MAX: variants seen among roughly 807,000 people sequenced by gnomAD.
MAX encodes MYC associated transcriptional regulator X, also known as protein max.
MAX carries 3 observed loss-of-function variants against 22.3 expected under a neutral mutation model. That is an observed-to-expected ratio of 0.13 (90% CI 0.06 to 0.35). MAX has a LOEUF of 0.35. MAX is among the 10% of genes least tolerant of loss of function. MAX has a pLI of 1.00. For synonymous variants in MAX, 72 were observed against 77.7 expected (o/e 0.93, Z 0.39); for missense variants, 119 against 209.4 (o/e 0.57, Z 2.66).
rs370265766 is a variant in MAX, at chr14:65,011,018, T to C, written c.172-4734A>G. On this transcript the variant is annotated intron_variant, in intron 3 of 3. Transcript: ENST00000341653. This position sits in a 1 kb window ranked among gnomAD's most constrained non-coding sequence, Gnocchi z 4.0. ...TGATCATTCCTTTCTTCATGAGATA[T>C]CCCCTCCCTTTTGAGCCTCAGTAGT... Among the ~76,000 whole-genome samples, 1,396 of 149,784 alleles carry C rather than the reference T, an allele frequency of 9.3e-3. 21 individuals are homozygous for C. The highest frequency in any genetic ancestry group is 0.032 in the African/African-American group (1,294 of 40,584).
chr14:65,062,936 G>C lies in MAX; in HGVS notation c.171+30772C>G, dbSNP rs1433715857. ...TGCACTTCATGGTCTGTCTCCGACA[G>C]ACAGCAAGGACTGGGCCTAGTAGCC... On this transcript the variant is annotated intron_variant, in intron 3 of 3. Coordinates refer to the MAX transcript ENST00000341653. This position sits in a 1 kb window ranked among gnomAD's most constrained non-coding sequence, Gnocchi z 4.3. 3.3e-5 allele frequency among the ~76,000 whole-genome samples: 5 copies of C among 152,238 alleles called. No homozygotes were observed. Among genetic ancestry groups the C allele is most frequent in the Non-Finnish European group, 5.9e-5 (4 of 68,044 alleles).
chr14:65,071,102 A>C (rs2062983749), downstream of MAX, among the ~76,000 whole-genome samples: 1 of 152,142 alleles, frequency 6.6e-6, no homozygotes, highest in South Asian at 2.1e-4. This position sits in a 1 kb window ranked among gnomAD's most constrained non-coding sequence, Gnocchi z 4.2. Context: ...TTAATATACT[A>C]AACTCTTATT....
At chr14:65,049,082 G>A (rs965392035) in intron 3 of MAX, among the ~76,000 whole-genome samples, 2 of 151,084 alleles carry the variant, frequency 1.3e-5, no homozygotes, top group African/African-American at 2.4e-5. Context: ...AGCTGAGATC[G>A]CGCCGTTGCA....
chr14:65,094,044 T>G, intron 2 of MAX: 1 of 571,178 alleles, frequency 1.8e-6, no homozygotes, highest in African/African-American at 1.9e-5. Flanking sequence ...GCTCGATGCA[T>G]CCAGCTCATG....
chr14:65,068,320 A>G (rs1227706314), intron 3 of MAX, among the ~76,000 whole-genome samples: 2 of 152,156 alleles, frequency 1.3e-5, no homozygotes, highest in Non-Finnish European at 2.9e-5. Flanking sequence ...CTGTAATCTC[A>G]GCTACTCGAG....
At chr14:65,065,438 T>C (rs895683609) in intron 3 of MAX, among the ~76,000 whole-genome samples, 7 of 152,154 alleles carry the variant, frequency 4.6e-5, no homozygotes, top group Admixed American at 1.3e-4. Flanking sequence ...ATCTCGTCGT[T>C]GTGTGAACAT....
chr14:65,032,490 A>C lies in MAX; in HGVS notation c.172-26206T>G, dbSNP rs961536569. ...CCAGGAGGACTGACCGTGTGCCAAG[A>C]GTGAGGACAGGAGGTGATTACAGCT... On this transcript the variant is annotated intron_variant, in intron 3 of 3. Transcript: ENST00000341653. This position sits in a 1 kb window ranked among gnomAD's most constrained non-coding sequence, Gnocchi z 5.0. 3.0e-6 allele frequency: 3 copies of C among 1,009,834 alleles called. No individual in the cohort carries two copies. In the African/African-American group the frequency reaches 4.9e-5, roughly 17 times the overall value. The allele number at this position is 1,009,834 out of a possible 1,614,324, so 62.6% of individuals were successfully genotyped here. A position where few individuals can be genotyped will look rare whatever the true frequency, so the allele number is the denominator to read the frequency against.
Position 65,084,205 on chromosome 14 carries a change from T to C in MAX, c.172-6169A>G, listed in dbSNP as rs1249949293. 2.5e-6 allele frequency: 4 copies of C among 1,614,142 alleles called. No individual in the cohort carries two copies. Among genetic ancestry groups the C allele is most frequent in the Non-Finnish European group, 3.4e-6 (4 of 1,179,996 alleles). On this transcript the variant is annotated intron_variant, in intron 3 of 4. Coordinates refer to ENST00000358664, the MANE Select transcript of MAX (RefSeq NM_002382.5). This position sits in a 1 kb window ranked among gnomAD's most constrained non-coding sequence, Gnocchi z 4.3. ...TTAAATCTTGCATTCTTTTTTCTTG[T>C]GCACTTGGTAGCTTGAAATGAAGGT... is the stretch of plus-strand genomic sequence containing the variant.
intron 3 of MAX, among the ~76,000 whole-genome samples, chr14:65,067,324 G>A (rs1342894577): frequency 6.6e-6 from 1 of 152,108 alleles, no homozygotes; most frequent in African/African-American, 2.4e-5. Flanking sequence ...CTAATAGGTG[G>A]CATTTGCCAT....
At chr14:65,066,770 G>A (rs2062934469) in intron 3 of MAX, among the ~76,000 whole-genome samples, 2 of 150,084 alleles carry the variant, frequency 1.3e-5, no homozygotes, top group Non-Finnish European at 2.9e-5. Flanking sequence ...GCTTAGGTAG[G>A]AGAATCGCTT....
Position 65,076,697 on chromosome 14 carries a change from T to C in MAX, c.296-34A>G, listed in dbSNP as rs2063067720. 1.2e-6 allele frequency: 2 copies of C among 1,614,008 alleles called. No individual in the cohort carries two copies. Among genetic ancestry groups the C allele is most frequent in the Non-Finnish European group, 1.7e-6 (2 of 1,179,904 alleles). On this transcript the variant is annotated intron_variant, in intron 4 of 4. Coordinates refer to ENST00000358664, the MANE Select transcript of MAX (RefSeq NM_002382.5). This position sits in a 1 kb window ranked among gnomAD's most constrained non-coding sequence, Gnocchi z 6.6. ...CAACCAAGGGAGTGTGTTACTGCCT[T>C]CTGGAGACTTGGGGAGTAACCGAGT...
intron 2 of MAX, among the ~76,000 whole-genome samples, chr14:65,099,555 C>CA (rs1478662573): frequency 6.1e-4 from 89 of 144,846 alleles, no homozygotes; most frequent in African/African-American, 2.2e-3. Context: ...AACAAACAAA[C>CA]AAACAAAAAA....
intron 3 of MAX, chr14:65,061,981 C>T (rs2062873136): frequency 6.6e-6 from 1 of 152,494 alleles, no homozygotes; most frequent in South Asian, 2.1e-4. Context: ...CTTGCTTCAG[C>T]CCCAGGTGTG....
At chr14:65,094,019 G>A in intron 2 of MAX, 1 of 620,036 alleles carries the variant, frequency 1.6e-6, no homozygotes. Flanking sequence ...GCTTGCGACA[G>A]GAACATCCAA....
chr14:65,008,053 A>G (rs1036043311), intron 3 of MAX, among the ~76,000 whole-genome samples: 3 of 152,210 alleles, frequency 2.0e-5, no homozygotes, highest in African/African-American at 7.2e-5. Context: ...AGAATTTCCC[A>G]GATCCTGAGC....
At chr14:65,006,630 G>A (rs757370971) in intron 3 of MAX, among the ~76,000 whole-genome samples, 9 of 152,192 alleles carry the variant, frequency 5.9e-5, no homozygotes, top group Admixed American at 2.0e-4. Flanking sequence ...TGACTCACCC[G>A]ATCGGGCTGA....
intron 3 of MAX, among the ~76,000 whole-genome samples, chr14:65,063,031 C>G (rs2062892322): frequency 6.6e-6 from 1 of 152,192 alleles, no homozygotes; most frequent in South Asian, 2.1e-4. Flanking sequence ...CAGGGACAGG[C>G]TGGAACTCTG....
chr14:65,085,785 A>G (rs1422703773), intron 3 of MAX, among the ~76,000 whole-genome samples: 1 of 152,168 alleles, frequency 6.6e-6, no homozygotes, highest in Admixed American at 6.5e-5. Context: ...GGGCTCATCA[A>G]TATGGAACCC....
At position 65,033,815 on chromosome 14, in the gene MAX, C is replaced by T. The variant is rs192707108; in HGVS notation, c.172-27531G>A. Among the ~76,000 whole-genome samples the T allele has an allele frequency of 3.1e-4, 47 of 152,274 alleles. 1 individual carries two copies. Among genetic ancestry groups the T allele is most frequent in the Middle Eastern group, 3.4e-3 (1 of 294 alleles). On this transcript the variant is annotated intron_variant, in intron 3 of 3. Coordinates refer to the MAX transcript ENST00000341653. ...GAGCTTGCAGTGAGCCGAGATCACG[C>T]CACTGCACTCCAGCCTGGGCGACAG...
Sources: allele counts gnomAD v4.1 joint callset (sites outside exome capture counted in the v4.1 genomes callset), GRCh38; gene constraint gnomAD v4.1.1; non-coding constraint Gnocchi (gnomAD v3.1); transcripts MANE v1.5; gene names NCBI Gene and HGNC (gene_info 2026-07-23, HGNC 2026-07-21).